The following SULF1 variants were observed in gnomAD, a reference collection of about 807,000 sequenced individuals.
The protein encoded by SULF1 is sulfatase 1.
Under a neutral mutation model 110.5 loss-of-function variants are expected in SULF1, and 46 were observed. The observed-to-expected ratio is 0.42, with a 90% CI of 0.33 to 0.53. The LOEUF (loss-of-function observed/expected upper bound fraction) is 0.53, where lower values mean the gene tolerates loss of function less well. Among genes scored for constraint, SULF1 ranks in the 20% least tolerant of loss-of-function variants. The pLI is 0.12. For synonymous variants in SULF1, 371 were observed against 387.1 expected, an observed-to-expected ratio of 0.96 and a Z score of 0.49; for missense variants, 941 against 1,094.2, an observed-to-expected ratio of 0.86 and a Z score of 1.98.
At chr8:69,470,012 A>G (rs1345746007) in intron 1 of SULF1, among the ~76,000 whole-genome samples, 1 of 152,170 alleles carries the variant, frequency 6.6e-6, no homozygotes, top group Non-Finnish European at 1.5e-5. Context: ...ATTGCACTGC[A>G]GCCTGGGTGA....
chr8:69,573,452 A>T (rs542231284), intron 5 of SULF1, among the ~76,000 whole-genome samples: 2 of 152,282 alleles, frequency 1.3e-5, no homozygotes, highest in East Asian at 3.9e-4. Flanking sequence ...TAAACTAGAG[A>T]TTACAGTGCT....
chr8:69,624,424 AAT>A (rs2130572586), intron 15 of SULF1, among the ~76,000 whole-genome samples: 1 of 152,358 alleles, frequency 6.6e-6, no homozygotes, highest in Non-Finnish European at 1.5e-5. Flanking sequence ...ATCAGCTAGG[AAT>A]CCAGCCAGAG....
At chr8:69,655,917 C>T (rs1478586292) in intron 22 of SULF1, among the ~76,000 whole-genome samples, 2 of 152,172 alleles carry the variant, frequency 1.3e-5, no homozygotes, top group African/African-American at 4.8e-5. Flanking sequence ...TTATTTTTAT[C>T]CTAGATCTGA....
intron 1 of SULF1, among the ~76,000 whole-genome samples, chr8:69,476,406 A>C (rs533319040): frequency 2.6e-5 from 4 of 152,338 alleles, no homozygotes; most frequent in Middle Eastern, 3.4e-3. Context: ...TTTCAGAACT[A>C]GGTATAGATT....
chr8:69,629,537 A>G lies in SULF1; in HGVS notation c.2142A>G (p.Gln714=), dbSNP rs143120352. Residue 714 remains glutamine (Q), a synonymous_variant, in exon 19 of 23, where the codon CAA becomes CAG. Transcript: ENST00000402687. ...EAAQEVDSKL[Q]LFKENNRRRK... Reference sequence around the variant, plus strand: ...CTCAGGAAGTAGATAGCAAACTGCAACTTTTCAAGGAGAACAACCGTAGGA... The same window carrying G: ...CTCAGGAAGTAGATAGCAAACTGCAGCTTTTCAAGGAGAACAACCGTAGGA... 3.1e-6 allele frequency: 5 copies of G among 1,613,672 alleles called. No homozygotes were observed. The highest frequency in any genetic ancestry group is 2.7e-5 in the African/African-American group (2 of 74,888).
rs1813035520 is a variant in SULF1 at position 69,660,507 on chromosome 8, C to T, written c.*1972C>T. On this transcript the variant is annotated 3_prime_UTR_variant, in exon 23 of 23. Coordinates refer to ENST00000402687, the MANE Select transcript of SULF1 (RefSeq NM_001128205.2). ...CATCAGTACCCTCCTATTCAGCTCC[C>T]CAAGATGATGTGTTTTTGCTTACCC... 1 of 152,564 alleles carries T rather than the reference C, an allele frequency of 6.6e-6. No homozygotes were observed. Among genetic ancestry groups the T allele is most frequent in the Admixed American group, 6.6e-5 (1 of 15,266 alleles). 9.5% of individuals were successfully genotyped at this position (152,564 alleles called of 1,614,324 possible). A position where few individuals can be genotyped will look rare whatever the true frequency, so the allele number is the denominator to read the frequency against.
Position 69,508,715 on chromosome 8 carries a change from A to G in SULF1, c.-134+6747A>G, listed in dbSNP as rs1342401406. On this transcript the variant is annotated intron_variant, in intron 3 of 22. Transcript: ENST00000402687. ...TTTTTACCCGAAAATGATTTGATGCATTTTTGCATTAAAAACTGTATTTAT... is the reference window on the plus strand; with the variant it reads ...TTTTTACCCGAAAATGATTTGATGCGTTTTTGCATTAAAAACTGTATTTAT... Among the ~76,000 whole-genome samples the G allele has an allele frequency of 3.9e-5, 6 of 152,260 alleles. No individual in the cohort carries two copies. In the East Asian group the frequency reaches 1.2e-3, roughly 29 times the overall value.
At chr8:69,469,549 A>G (rs1257812867) in intron 1 of SULF1, among the ~76,000 whole-genome samples, 1 of 152,204 alleles carries the variant, frequency 6.6e-6, no homozygotes, top group East Asian at 1.9e-4. Context: ...CCATCAGGAA[A>G]CTAGAAGGGT....
chr8:69,564,154 C>T lies in SULF1; in HGVS notation c.172+7C>T, dbSNP rs1412845953. On this transcript the variant is annotated splice_region_variant and intron_variant, in intron 5 of 22. Transcript: ENST00000402687. ...GATCAAGATGTGGAGCTGGGTGAGA[C>T]ACTGGACTCTTCACTTGTTAGTCTC... 6.2e-7 allele frequency: 1 copy of T among 1,613,924 alleles called. No homozygotes were observed. Among genetic ancestry groups the T allele is most frequent in the Non-Finnish European group, 8.5e-7 (1 of 1,179,828 alleles).
intron 19 of SULF1, among the ~76,000 whole-genome samples, chr8:69,636,313 G>T (rs1333997521): frequency 6.6e-6 from 1 of 152,182 alleles, no homozygotes; most frequent in Non-Finnish European, 1.5e-5. Flanking sequence ...GAGATGGGCA[G>T]ATCACGAGGT....
chr8:69,532,856 A>G (rs1813183212), intron 3 of SULF1, among the ~76,000 whole-genome samples: 1 of 152,128 alleles, frequency 6.6e-6, no homozygotes, highest in African/African-American at 2.4e-5. Flanking sequence ...GTCCCTGGCA[A>G]CCACCAATTT....
chr8:69,616,282 C>G (rs1028912296), intron 13 of SULF1, among the ~76,000 whole-genome samples: 2 of 150,700 alleles, frequency 1.3e-5, no homozygotes, highest in Non-Finnish European at 2.9e-5. Context: ...TGCAGTGGCT[C>G]AATCTCGGGT....
At chr8:69,482,821 T>C (rs1414560606) in intron 1 of SULF1, among the ~76,000 whole-genome samples, 1 of 152,160 alleles carries the variant, frequency 6.6e-6, no homozygotes, top group African/African-American at 2.4e-5. Context: ...ACAACTAGGA[T>C]CCAGGTCTCC....
At chr8:69,629,764 G>A in intron 19 of SULF1, 85 bp downstream of exon 19, 1 of 1,220,224 alleles carries the variant, frequency 8.2e-7, no homozygotes, top group Non-Finnish European at 1.1e-6. Flanking sequence ...AGCATAAAAT[G>A]AGGAATCTAC....
intron 15 of SULF1, among the ~76,000 whole-genome samples, chr8:69,626,985 G>A (rs117003096): frequency 2.6e-5 from 4 of 152,258 alleles, no homozygotes; most frequent in Non-Finnish European, 5.9e-5. Context: ...CAGAGGAGGC[G>A]CGGAGAGCGA....
At chr8:69,603,458 G>A (rs561832689) in intron 11 of SULF1, 138 bp downstream of exon 11, 62 of 1,453,600 alleles carry the variant, frequency 4.3e-5, no homozygotes, top group Non-Finnish European at 5.5e-5. Context: ...GCATTTCTCA[G>A]CTGCTTGTGA....
chr8:69,655,186 C>T (rs2130748126), intron 22 of SULF1, among the ~76,000 whole-genome samples: 1 of 152,308 alleles, frequency 6.6e-6, no homozygotes, highest in Admixed American at 6.5e-5. Context: ...CATGGGGTGC[C>T]TACCCCAGGG....
intron 21 of SULF1, among the ~76,000 whole-genome samples, chr8:69,640,242 A>AT (rs980255006): frequency 3.9e-5 from 6 of 152,184 alleles, no homozygotes; most frequent in Non-Finnish European, 8.8e-5. Flanking sequence ...TCAACCAACC[A>AT]TTAGAGGCAC....
chr8:69,563,936 G>T lies in SULF1; in HGVS notation c.-40G>T. On this transcript the variant is annotated 5_prime_UTR_variant, in exon 5 of 23. Coordinates refer to ENST00000402687, the MANE Select transcript of SULF1 (RefSeq NM_001128205.2). ...CCCAGAACTCCAGAAATCAGGAGAC[G>T]GAGACATTTTGTCAGTTTTGCAACA... 6.3e-7 allele frequency: 1 copy of T among 1,599,362 alleles called. No homozygotes were observed. Among genetic ancestry groups the T allele is most frequent in the South Asian group, 1.1e-5 (1 of 90,512 alleles).
Sources: allele counts gnomAD v4.1 joint callset (sites outside exome capture counted in the v4.1 genomes callset), GRCh38; gene constraint gnomAD v4.1.1; transcripts MANE v1.5; gene names NCBI Gene and HGNC (gene_info 2026-07-23, HGNC 2026-07-21).